Variants in ARHGEF3 observed in about 807,000 individuals in gnomAD.
ARHGEF3 encodes the protein Rho guanine nucleotide exchange factor 3, also known as 59.8 kDA protein.
A neutral mutation model predicts 63.2 loss-of-function variants in ARHGEF3; 28 were observed. That is an observed-to-expected ratio of 0.44 (90% confidence interval 0.33 to 0.61). The LOEUF (loss-of-function observed/expected upper bound fraction) is 0.61, where lower values mean the gene tolerates loss of function less well. ARHGEF3 is among the 20% of genes least tolerant of loss of function. The pLI, the probability that ARHGEF3 is intolerant of heterozygous loss-of-function variation, is 0.03. For missense variants in ARHGEF3, 533 were observed against 659.3 expected (o/e 0.81, Z 2.10); for synonymous variants, 266 against 254.2 (o/e 1.05, Z -0.44).
At chr3:57,037,427 C>T (rs1704008062) in intron 1 of ARHGEF3, among the ~76,000 whole-genome samples, 14 of 152,160 alleles carry the variant, frequency 9.2e-5, no homozygotes, top group Admixed American at 9.2e-4. Flanking sequence ...AAAATGATGC[C>T]AACCACAGGA....
chr3:56,909,065 A>G (rs1172393976), intron 3 of ARHGEF3, among the ~76,000 whole-genome samples: 2 of 152,244 alleles, frequency 1.3e-5, no homozygotes, highest in Admixed American at 6.5e-5. Context: ...TGGCATACAA[A>G]TACAGAAAAA....
chr3:57,014,043 G>A (rs915231137), intron 2 of ARHGEF3, among the ~76,000 whole-genome samples: 7 of 152,108 alleles, frequency 4.6e-5, no homozygotes, highest in African/African-American at 9.7e-5. Flanking sequence ...CACTCACCGC[G>A]AAGGTCTGGA....
rs531508297 is a variant in ARHGEF3 at position 56,894,231 on chromosome 3, G to A, written c.130-11877C>T. Among the ~76,000 whole-genome samples the A allele has an allele frequency of 5.9e-5, 9 of 152,268 alleles. No individual in the cohort carries two copies. The South Asian group carries it at 1.9e-3, about 32-fold the overall frequency. On this transcript the variant is annotated intron_variant, in intron 3 of 12. Transcript: ENST00000338458. ...TCAGTCTTGTACACTGGAATCACCT[G>A]GGTCCGCTCAACTGTGTTCTTTCTG...
chr3:56,751,720 G>A (rs1180674747), intron 4 of ARHGEF3, among the ~76,000 whole-genome samples: 1 of 152,048 alleles, frequency 6.6e-6, no homozygotes, highest in African/African-American at 2.4e-5. Flanking sequence ...TCAAGATCCT[G>A]CCTCTTAAAA....
chr3:56,969,707 C>A (rs550278464), intron 2 of ARHGEF3, among the ~76,000 whole-genome samples: 1 of 146,582 alleles, frequency 6.8e-6, no homozygotes, highest in Non-Finnish European at 1.5e-5. Flanking sequence ...GGACCGAGAT[C>A]GCACCACTGC....
intron 4 of ARHGEF3, among the ~76,000 whole-genome samples, chr3:56,822,754 G>A (rs1399757970): frequency 6.6e-6 from 1 of 151,442 alleles, no homozygotes; most frequent in Non-Finnish European, 1.5e-5. Context: ...TCCAGAGGCT[G>A]AGTCAACGAG....
intron 2 of ARHGEF3, among the ~76,000 whole-genome samples, chr3:56,768,929 A>AT (rs2035861798): frequency 6.6e-6 from 1 of 152,184 alleles, no homozygotes; most frequent in African/African-American, 2.4e-5. Context: ...CCAGACAGAG[A>AT]TAAGGCTGAA....
chr3:56,878,290 G>A (rs906947965), intron 4 of ARHGEF3, among the ~76,000 whole-genome samples: 7 of 152,156 alleles, frequency 4.6e-5, no homozygotes, highest in Admixed American at 6.5e-5. Flanking sequence ...ATCCTCTGAC[G>A]TGAGGGGAGA....
At chr3:56,842,572 ACC>A (rs2039348700) in intron 4 of ARHGEF3, among the ~76,000 whole-genome samples, 1 of 152,116 alleles carries the variant, frequency 6.6e-6, no homozygotes, top group South Asian at 2.1e-4. Context: ...TTCTTCTGGT[ACC>A]CTTCTCTTCT....
intron 2 of ARHGEF3, among the ~76,000 whole-genome samples, chr3:57,016,203 G>C (rs748368857): frequency 2.0e-5 from 3 of 152,108 alleles, no homozygotes; most frequent in Non-Finnish European, 2.9e-5. Flanking sequence ...GCACATCCAA[G>C]TGGTAAGACG....
At chr3:56,889,662 C>G (rs148313705) in intron 3 of ARHGEF3, among the ~76,000 whole-genome samples, 2 of 152,322 alleles carry the variant, frequency 1.3e-5, no homozygotes, top group East Asian at 3.9e-4. Flanking sequence ...GACTGCCAAA[C>G]CACTGACCTC....
chr3:56,777,081 C>G (rs756219532), intron 1 of ARHGEF3, among the ~76,000 whole-genome samples: 2 of 152,168 alleles, frequency 1.3e-5, no homozygotes, highest in Admixed American at 1.3e-4. Flanking sequence ...CAAGCCAAGA[C>G]AGTGGGTATA....
intron 6 of ARHGEF3, 133 bp from the exon 7 acceptor site, chr3:56,745,595 T>G (rs2034329081): frequency 9.5e-7 from 1 of 1,047,698 alleles, no homozygotes; most frequent in East Asian, 2.6e-5. Flanking sequence ...TTTATCTGCA[T>G]GGCTGGAGGA....
chr3:56,924,219 A>C (rs976437321), intron 3 of ARHGEF3, among the ~76,000 whole-genome samples: 2 of 152,240 alleles, frequency 1.3e-5, no homozygotes, highest in African/African-American at 4.8e-5. Flanking sequence ...TGTAAAAAAT[A>C]GTTCCTAGCC....
intron 2 of ARHGEF3, among the ~76,000 whole-genome samples, chr3:56,766,576 T>C (rs543526473): frequency 6.6e-6 from 1 of 152,314 alleles, no homozygotes; most frequent in Non-Finnish European, 1.5e-5. Context: ...TCCTAAGTAA[T>C]GTGTAGTATT....
At chr3:56,775,916 G>T (rs2036262047) in intron 1 of ARHGEF3, among the ~76,000 whole-genome samples, 1 of 152,178 alleles carries the variant, frequency 6.6e-6, no homozygotes, top group African/African-American at 2.4e-5. Flanking sequence ...AGCAAGTGAG[G>T]TGACAAAGAT....
At chr3:56,898,865 G>A (rs2041405477) in intron 3 of ARHGEF3, among the ~76,000 whole-genome samples, 1 of 152,076 alleles carries the variant, frequency 6.6e-6, no homozygotes, top group Non-Finnish European at 1.5e-5. Context: ...GACCATCCTG[G>A]CTAACATGGT....
intron 9 of ARHGEF3, chr3:56,731,817 A>T (rs2033182356): frequency 3.8e-6 from 1 of 262,192 alleles, no homozygotes; most frequent in Non-Finnish European, 7.3e-6. Flanking sequence ...TCCACATTCC[A>T]GTTGACCATT....
chr3:56,875,203 T>C (rs1446271346), intron 4 of ARHGEF3, among the ~76,000 whole-genome samples: 1 of 152,186 alleles, frequency 6.6e-6, no homozygotes, highest in African/African-American at 2.4e-5. Context: ...CATCACATAG[T>C]AGCACTAAAT....
Sources: allele counts gnomAD v4.1 joint callset (sites outside exome capture counted in the v4.1 genomes callset), GRCh38; gene constraint gnomAD v4.1.1; transcripts MANE v1.5; gene names NCBI Gene and HGNC (gene_info 2026-07-23, HGNC 2026-07-21).